The following CADM2 variants were observed in gnomAD, a reference collection of about 807,000 sequenced individuals.
CADM2 encodes the protein cell adhesion molecule 2, also known as immunoglobulin superfamily member 4D.
CADM2 carries 12 observed loss-of-function variants against 49.8 expected under a neutral mutation model. That is an observed-to-expected ratio of 0.24 (90% CI 0.15 to 0.39). CADM2 has a LOEUF of 0.39. CADM2 is among the 10% of genes least tolerant of loss of function. The pLI is 1.00. For missense variants in CADM2, 378 were observed against 492.3 expected, an observed-to-expected ratio of 0.77 and a Z score of 2.20; for synonymous variants, 214 against 175.4, an observed-to-expected ratio of 1.22 and a Z score of -1.74.
chr3:85,719,069 C>T (rs975943302), intron 1 of CADM2, among the ~76,000 whole-genome samples: 23 of 151,830 alleles, frequency 1.5e-4, no homozygotes, highest in South Asian at 4.1e-4. Flanking sequence ...CCCGCCACCA[C>T]GCCTGGCTAA....
intron 2 of CADM2, among the ~76,000 whole-genome samples, chr3:85,782,665 A>G (rs1212678700): frequency 1.3e-5 from 2 of 151,748 alleles, no homozygotes; most frequent in African/African-American, 2.4e-5. Flanking sequence ...CAAAAAAAAA[A>G]AAGAAAAAAA....
chr3:85,451,031 T>A (rs1394055481), intron 1 of CADM2, among the ~76,000 whole-genome samples: 1 of 152,042 alleles, frequency 6.6e-6, no homozygotes, highest in Non-Finnish European at 1.5e-5. Context: ...TTTCATCATG[T>A]TTTCTCTGCC....
intron 1 of CADM2, among the ~76,000 whole-genome samples, chr3:85,266,031 G>A (rs980343353): frequency 6.6e-6 from 1 of 151,758 alleles, no homozygotes; most frequent in African/African-American, 2.4e-5. Flanking sequence ...ATGCCCTTAG[G>A]TTTGAAAGAA....
chr3:85,442,246 T>C (rs576669954), intron 1 of CADM2, among the ~76,000 whole-genome samples: 56 of 152,164 alleles, frequency 3.7e-4, no homozygotes, highest in African/African-American at 1.3e-3. Flanking sequence ...GTTGCTGACT[T>C]GTGAATATCT....
intron 1 of CADM2, among the ~76,000 whole-genome samples, chr3:85,117,607 T>G (rs2038685463): frequency 6.6e-6 from 1 of 152,188 alleles, no homozygotes; most frequent in African/African-American, 2.4e-5. Flanking sequence ...GCATTACAGT[T>G]GTAAAATGAT....
intron 1 of CADM2, among the ~76,000 whole-genome samples, chr3:85,393,220 A>G (rs2107405131): frequency 6.6e-6 from 1 of 152,304 alleles, no homozygotes; most frequent in South Asian, 2.1e-4. Context: ...TAAGTCAAAA[A>G]GTGACTCATG....
intron 1 of CADM2, among the ~76,000 whole-genome samples, chr3:85,628,916 A>G (rs1576970282): frequency 1.3e-5 from 2 of 151,454 alleles, no homozygotes; most frequent in East Asian, 3.9e-4. Flanking sequence ...GTATATGTTT[A>G]ATAGTCTAGA....
At chr3:85,402,595 T>C (rs2035169927) in intron 1 of CADM2, among the ~76,000 whole-genome samples, 1 of 152,154 alleles carries the variant, frequency 6.6e-6, no homozygotes, top group Admixed American at 6.6e-5. Flanking sequence ...ATTAAGTGTA[T>C]GAACTACAGA....
At chr3:85,859,817 T>A in intron 3 of CADM2, among the ~76,000 whole-genome samples, 1 of 152,186 alleles carries the variant, frequency 6.6e-6, no homozygotes, top group East Asian at 1.9e-4. Flanking sequence ...TCGCAAAAAT[T>A]TTTGAAAGAA....
At chr3:84,996,957 A>G (rs2033213784) in intron 1 of CADM2, among the ~76,000 whole-genome samples, 1 of 152,126 alleles carries the variant, frequency 6.6e-6, no homozygotes. Flanking sequence ...CACTGAAAAA[A>G]TTATTAACTG....
intron 1 of CADM2, among the ~76,000 whole-genome samples, chr3:84,997,524 ATTTC>A (rs1220762555): frequency 6.6e-6 from 1 of 151,992 alleles, no homozygotes; most frequent in Non-Finnish European, 1.5e-5. Flanking sequence ...AATGTTGGCT[ATTTC>A]TTATGAAAAT....
chr3:85,361,254 C>T (rs1463462390), intron 1 of CADM2, among the ~76,000 whole-genome samples: 4 of 152,078 alleles, frequency 2.6e-5, no homozygotes, highest in East Asian at 1.9e-4. Context: ...GAGAGAGGAA[C>T]TTTTTAAATA....
intron 1 of CADM2, among the ~76,000 whole-genome samples, chr3:85,022,755 A>G (rs763921511): frequency 6.6e-6 from 1 of 152,116 alleles, no homozygotes; most frequent in Non-Finnish European, 1.5e-5. Flanking sequence ...ATTAATCTGT[A>G]TCTACATTAT....
intron 1 of CADM2, among the ~76,000 whole-genome samples, chr3:85,347,556 C>CATATAT (rs2030827112): frequency 2.6e-4 from 37 of 142,628 alleles, no homozygotes; most frequent in African/African-American, 9.4e-4. Context: ...AATATATATA[C>CATATAT]ACACATATAT....
chr3:85,970,106 A>G (rs1463859308), intron 8 of CADM2, among the ~76,000 whole-genome samples: 3 of 151,118 alleles, frequency 2.0e-5, no homozygotes, highest in Non-Finnish European at 4.4e-5. Context: ...ATATTGAAAA[A>G]AAAAAAGACG....
chr3:85,561,653 C>A (rs2062097441), intron 1 of CADM2, among the ~76,000 whole-genome samples: 1 of 152,132 alleles, frequency 6.6e-6, no homozygotes, highest in Admixed American at 6.6e-5. Context: ...TTCTGAGTGT[C>A]TTCTATGAGC....
rs187970989 is a variant in CADM2 at position 86,005,096 on chromosome 3, G to A, written c.970+43449G>A. Among the ~76,000 whole-genome samples the A allele has an allele frequency of 1.3e-3, 195 of 152,212 alleles. 1 individual carries two copies. Among genetic ancestry groups the A allele is most frequent in the Admixed American group, 6.3e-3 (96 of 15,284 alleles). ...CAGCACCACACTCAGAAGAGCACCT[G>A]CTGTACTTGTAGATATAAGACTCTG... is the stretch of plus-strand genomic sequence containing the variant. On this transcript the variant is annotated intron_variant, in intron 8 of 9. Transcript: ENST00000383699.
chr3:85,642,352 A>G (rs2064749288), intron 1 of CADM2, among the ~76,000 whole-genome samples: 1 of 152,216 alleles, frequency 6.6e-6, no homozygotes, highest in Admixed American at 6.5e-5. Context: ...AAAGTATTAT[A>G]TAGAGAAAAT....
chr3:85,365,981 C>T (rs1576426198), intron 1 of CADM2, among the ~76,000 whole-genome samples: 2 of 152,108 alleles, frequency 1.3e-5, no homozygotes, highest in Admixed American at 1.3e-4. Context: ...TAGTAATTAC[C>T]TTGGTACTTC....
Sources: gnomAD v4.1 joint callset for allele counts (sites outside exome capture counted in the v4.1 genomes callset) on GRCh38, gnomAD v4.1.1 for gene constraint, MANE v1.5 for transcripts, NCBI Gene and HGNC (gene_info 2026-07-23, HGNC 2026-07-21) for gene names.